Variants in CLIP1 observed in about 807,000 individuals in gnomAD.
CLIP1 encodes the protein CAP-Gly domain-containing linker protein 1.
Under a neutral mutation model 161.6 loss-of-function variants are expected in CLIP1, and 66 were observed. That is an observed-to-expected ratio of 0.41 (90% CI 0.33 to 0.50). CLIP1 has a LOEUF of 0.50. CLIP1 is among the 20% of genes least tolerant of loss of function. The pLI is 0.27. For missense variants in CLIP1, 1,376 were observed against 1,702.0 expected, an observed-to-expected ratio of 0.81 and a Z score of 3.37; for synonymous variants, 598 against 626.2, an observed-to-expected ratio of 0.96 and a Z score of 0.67.
chr12:122,346,802 G>A (rs1404821159), intron 10 of CLIP1, among the ~76,000 whole-genome samples: 1 of 152,150 alleles, frequency 6.6e-6, no homozygotes, highest in East Asian at 1.9e-4. Flanking sequence ...TGCGCCCAGT[G>A]TCCACTGAGG....
intron 3 of CLIP1, among the ~76,000 whole-genome samples, chr12:122,376,409 T>C (rs373151863): frequency 6.6e-6 from 1 of 152,086 alleles, no homozygotes; most frequent in African/African-American, 2.4e-5. Context: ...TGTTTCTGCC[T>C]GTCATGTGGA....
At position 122,279,022 on chromosome 12, in the gene CLIP1, C is replaced by G. The variant is rs1259000526; in HGVS notation, c.3765+6G>C. The stretch of plus-strand genomic sequence containing the variant: ...GAAAGCTCGTGCACCCTGGGTGGTA[C>G]TCTACCTCATTTCTCAGTTTCTCCA... On this transcript the variant is annotated splice_donor_region_variant and intron_variant, in intron 22 of 25. Coordinates refer to ENST00000620786, the MANE Select transcript of CLIP1 (RefSeq NM_001247997.2). The surrounding 1 kb of genome is among the most constrained non-coding windows in gnomAD (Gnocchi z 4.5). 6.2e-7 allele frequency: 1 copy of G among 1,610,652 alleles called. No homozygotes were observed. Among genetic ancestry groups the G allele is most frequent in the Non-Finnish European group, 8.5e-7 (1 of 1,178,830 alleles).
chr12:122,308,503 C>A (rs1181276565), intron 20 of CLIP1, among the ~76,000 whole-genome samples: 1 of 152,170 alleles, frequency 6.6e-6, no homozygotes, highest in Non-Finnish European at 1.5e-5. Flanking sequence ...AAGGAGAGTG[C>A]AGTGACCCTA....
intron 3 of CLIP1, among the ~76,000 whole-genome samples, chr12:122,372,758 G>A (rs1186390714): frequency 6.6e-6 from 1 of 152,104 alleles, no homozygotes; most frequent in Non-Finnish European, 1.5e-5. Flanking sequence ...CTTCTCAATT[G>A]TGGACCACAC....
At chr12:122,352,396 TAA>T (rs773965131) in intron 8 of CLIP1, among the ~76,000 whole-genome samples, 1 of 152,202 alleles carries the variant, frequency 6.6e-6, no homozygotes, top group Non-Finnish European at 1.5e-5. Context: ...ATGCCTTTTC[TAA>T]TCATCAGACG....
chr12:122,388,133 C>A (rs1225620367), intron 1 of CLIP1, among the ~76,000 whole-genome samples: 1 of 152,002 alleles, frequency 6.6e-6, no homozygotes, highest in Non-Finnish European at 1.5e-5. Context: ...CAGAGGTTCT[C>A]AAAATGTACA....
chr12:122,288,453 A>AAC, intron 21 of CLIP1, 36 bp downstream of exon 21: 2 of 1,551,348 alleles, frequency 1.3e-6, no homozygotes, highest in Non-Finnish European at 1.8e-6. Context: ...CATCTTATTA[A>AAC]ACACACACAC....
intron 1 of CLIP1, among the ~76,000 whole-genome samples, chr12:122,399,090 G>A (rs1956049390): frequency 6.6e-6 from 1 of 151,950 alleles, no homozygotes; most frequent in Admixed American, 6.6e-5. Flanking sequence ...TTAAGGTTAT[G>A]TTTACTCCTA....
chr12:122,348,319 C>A lies in CLIP1; in HGVS notation c.1402-840G>T, dbSNP rs115515025. ...CTATAGTCTCCATCTCTGAAGGAGT[C>A]CAATTGAGAGGCTCAAGAGAGGAGG... On this transcript the variant is annotated intron_variant, in intron 9 of 25. Coordinates refer to ENST00000620786, the MANE Select transcript of CLIP1 (RefSeq NM_001247997.2). Among the ~76,000 whole-genome samples the A allele has an allele frequency of 3.7e-3, 562 of 152,268 alleles. 3 individuals are homozygous for A. Among genetic ancestry groups the A allele is most frequent in the African/African-American group, 0.013 (528 of 41,558 alleles).
Position 122,272,869 on chromosome 12 carries a change from G to T in CLIP1, c.*6C>A. The T allele has an allele frequency of 1.9e-6, 3 of 1,613,612 alleles. No homozygotes were observed. Among genetic ancestry groups the T allele is most frequent in the Non-Finnish European group, 1.7e-6 (2 of 1,179,486 alleles). On this transcript the variant is annotated 3_prime_UTR_variant, in exon 26 of 26. Transcript: ENST00000620786. Reference sequence around the variant, plus strand: ...GAGCAAGCCCAGTTCTCCACTGGAGGCTTCATCAGAAGGTTTCGTCGTCAT... The same window carrying T: ...GAGCAAGCCCAGTTCTCCACTGGAGTCTTCATCAGAAGGTTTCGTCGTCAT...
chr12:122,377,677 C>G lies in CLIP1; in HGVS notation c.369G>C (p.Lys123Asn), dbSNP rs762241206. Residue 123 changes from lysine to asparagine, a missense_variant, in exon 3 of 26, where the codon AAG becomes AAC. By Grantham distance (94) the Lys-to-Asn change is moderately conservative. Transcript: ENST00000620786. ...PLKGIFTRPS[K>N]LTRKVQAEDE... ...CTTCTGCTTGCACCTTCCTTGTTAA[C>G]TTTGAAGGTCGGGTAAATATGCCCT... The G allele has an allele frequency of 1.9e-6, 3 of 1,613,718 alleles. No individual in the cohort carries two copies. The highest frequency in any genetic ancestry group is 2.5e-6 in the Non-Finnish European group (3 of 1,179,972).
chr12:122,300,373 A>G (rs1292449092), intron 20 of CLIP1, among the ~76,000 whole-genome samples: 1 of 152,236 alleles, frequency 6.6e-6, no homozygotes, highest in Non-Finnish European at 1.5e-5. Context: ...AAGCAAATTT[A>G]ATTTTACTTT....
intron 1 of CLIP1, among the ~76,000 whole-genome samples, chr12:122,391,884 G>C (rs555465351): frequency 6.6e-6 from 1 of 152,324 alleles, no homozygotes; most frequent in East Asian, 1.9e-4. Context: ...AATGTTAGTT[G>C]TATCACTAAT....
chr12:122,411,727 C>T (rs940987021), intron 1 of CLIP1, among the ~76,000 whole-genome samples: 4 of 152,086 alleles, frequency 2.6e-5, no homozygotes, highest in African/African-American at 9.7e-5. Flanking sequence ...GTTGCCCAGG[C>T]TGGCATCAAA....
At chr12:122,293,948 G>T (rs61954391) in intron 20 of CLIP1, among the ~76,000 whole-genome samples, 12 of 151,682 alleles carry the variant, frequency 7.9e-5, no homozygotes, top group Non-Finnish European at 1.6e-4. Context: ...TCTTAAAAAG[G>T]TAAACATACA....
At position 122,271,524 on chromosome 12, in the gene CLIP1, C is replaced by G. The variant is rs781634603; in HGVS notation, c.*1351G>C. On this transcript the variant is annotated 3_prime_UTR_variant, in exon 26 of 26. Transcript: ENST00000620786. ...CATGTTTTCTGTTTGTGAAACAATT[C>G]GTATTACATTTATAACCAAAAATTT... 2 of 152,590 alleles carry G rather than the reference C, an allele frequency of 1.3e-5. No individual in the cohort carries two copies. The highest frequency in any genetic ancestry group is 6.5e-5 in the Admixed American group (1 of 15,278). The allele number at this position is 152,590 out of a possible 1,614,324, so 9.5% of individuals were successfully genotyped here. A position where few individuals can be genotyped will look rare whatever the true frequency, so the allele number is the denominator to read the frequency against.
chr12:122,411,623 T>C (rs1473554218), intron 1 of CLIP1, among the ~76,000 whole-genome samples: 1 of 152,176 alleles, frequency 6.6e-6, no homozygotes, highest in East Asian at 1.9e-4. Flanking sequence ...GAAAACACTA[T>C]GTTAAGCGAA....
At chr12:122,364,757 C>T (rs1475199677) in intron 3 of CLIP1, 7 of 699,638 alleles carry the variant, frequency 1.0e-5, no homozygotes, top group Admixed American at 1.8e-5. Flanking sequence ...CGGCCGGAAC[C>T]GCCATCTTCC....
At chr12:122,278,034 C>A in intron 24 of CLIP1, 120 bp downstream of exon 24, 1 of 818,562 alleles carries the variant, frequency 1.2e-6, no homozygotes. Context: ...TAGAGGAATG[C>A]ATTACCAATT....
Sources: gnomAD v4.1 joint callset for allele counts (sites outside exome capture counted in the v4.1 genomes callset) on GRCh38, gnomAD v4.1.1 for gene constraint, Gnocchi (gnomAD v3.1) non-coding constraint, MANE v1.5 for transcripts, NCBI Gene and HGNC (gene_info 2026-07-23, HGNC 2026-07-21) for gene names.